PRUNE2: variants seen among roughly 807,000 people sequenced by gnomAD.
PRUNE2 encodes the protein prune homolog 2 with BCH domain, also known as protein prune homolog 2.
Under a neutral mutation model 252.0 loss-of-function variants are expected in PRUNE2, and 164 were observed. That is an observed-to-expected ratio of 0.65 (90% CI 0.57 to 0.74). PRUNE2 has a LOEUF of 0.74. Ranked by LOEUF, PRUNE2 falls within the 30% of genes least tolerant of loss-of-function variation. The pLI is 0.00. For synonymous variants in PRUNE2, 1,292 were observed against 1,350.2 expected (o/e 0.96, Z 0.94); for missense variants, 3,495 against 3,711.0 (o/e 0.94, Z 1.51).
chr9:76,867,122 G>A (rs186375568), intron 1 of PRUNE2, among the ~76,000 whole-genome samples: 9 of 152,278 alleles, frequency 5.9e-5, no homozygotes, highest in Non-Finnish European at 1.0e-4. Context: ...GCAAAAACAA[G>A]GGAATGGGTT....
At chr9:76,892,458 A>C (rs2062542941) in intron 1 of PRUNE2, among the ~76,000 whole-genome samples, 2 of 152,242 alleles carry the variant, frequency 1.3e-5, no homozygotes, top group Admixed American at 1.3e-4. Context: ...AATTCTAAAC[A>C]GGAGAAAATG....
intron 18 of PRUNE2, chr9:76,615,166 T>C (rs528116727): frequency 2.0e-6 from 2 of 985,460 alleles, no homozygotes; most frequent in African/African-American, 3.5e-5. Context: ...TTCCCAAGTA[T>C]CTGAGGAGTA....
chr9:76,754,494 CG>C, intron 6 of PRUNE2, among the ~76,000 whole-genome samples: 1 of 152,272 alleles, frequency 6.6e-6, no homozygotes, highest in Non-Finnish European at 1.5e-5. Context: ...GGAGTGCCTT[CG>C]GGTGGTTCTT....
At chr9:76,878,861 C>T (rs2078138079) in intron 1 of PRUNE2, among the ~76,000 whole-genome samples, 1 of 152,186 alleles carries the variant, frequency 6.6e-6, no homozygotes, top group South Asian at 2.1e-4. Flanking sequence ...CCTTCTAGTC[C>T]TTTCCATCAC....
At chr9:76,653,646 T>C (rs1848224992) in intron 10 of PRUNE2, among the ~76,000 whole-genome samples, 1 of 152,156 alleles carries the variant, frequency 6.6e-6, no homozygotes, top group African/African-American at 2.4e-5. Context: ...GTTAAGAACT[T>C]TGTCATGTTC....
intron 6 of PRUNE2, among the ~76,000 whole-genome samples, chr9:76,733,981 C>G (rs1390910589): frequency 2.0e-5 from 3 of 151,164 alleles, no homozygotes; most frequent in Non-Finnish European, 4.4e-5. Context: ...AATCCTGTAG[C>G]CAAAAACTAG....
chr9:76,667,390 A>G (rs1478008211), intron 9 of PRUNE2, among the ~76,000 whole-genome samples: 1 of 152,242 alleles, frequency 6.6e-6, no homozygotes, highest in African/African-American at 2.4e-5. Context: ...CCAAGTGAGC[A>G]GCAGAACTGG....
At chr9:76,715,143 C>T (rs2047036458) in intron 6 of PRUNE2, among the ~76,000 whole-genome samples, 1 of 152,202 alleles carries the variant, frequency 6.6e-6, no homozygotes, top group Non-Finnish European at 1.5e-5. Context: ...CCTAGGACAG[C>T]CACTGTGAAG....
rs199794957 is a variant in PRUNE2 at position 76,652,519 on chromosome 9, G to A, written c.8521C>T (p.Pro2841Ser). The change falls in exon 11 of 19, where the codon CCC (proline) becomes TCC (serine). Residue 2841 changes from proline (P) to serine (S), a missense_variant. Transcript: ENST00000376718. ...TACTCAAAAGAATCTGCTTCATCGG[G>A]GGTATCAAGTTCATCCACATTGATG... Reference protein sequence around the residue: ...IDINVDELDTPDEADSFEYTG... With the variant: ...IDINVDELDTSDEADSFEYTG... The A allele has an allele frequency of 4.3e-6, 7 of 1,613,256 alleles. No homozygotes were observed. In the Admixed American group the frequency reaches 1.0e-4, roughly 23 times the overall value.
chr9:76,799,741 G>A (rs1335370617), intron 6 of PRUNE2, among the ~76,000 whole-genome samples: 1 of 152,212 alleles, frequency 6.6e-6, no homozygotes, highest in Non-Finnish European at 1.5e-5. Flanking sequence ...TATCTTTATA[G>A]ATACCATAAA....
At chr9:76,773,739 C>T (rs375369250) in intron 6 of PRUNE2, among the ~76,000 whole-genome samples, 1 of 152,110 alleles carries the variant, frequency 6.6e-6, no homozygotes, top group Non-Finnish European at 1.5e-5. Context: ...CCACCGCACC[C>T]GGCCAAGTAC....
chr9:76,798,019 C>G (rs942786751), intron 6 of PRUNE2, among the ~76,000 whole-genome samples: 2 of 152,116 alleles, frequency 1.3e-5, no homozygotes, highest in African/African-American at 4.8e-5. Flanking sequence ...ATGAGAAGCA[C>G]CATCAGAAGG....
intron 2 of PRUNE2, among the ~76,000 whole-genome samples, chr9:76,852,660 C>G (rs978182870): frequency 6.6e-6 from 1 of 152,214 alleles, no homozygotes; most frequent in Non-Finnish European, 1.5e-5. Context: ...GCCCAGTAAA[C>G]TACGAGAAAG....
chr9:76,849,368 TCA>T (rs2059832920), intron 3 of PRUNE2, among the ~76,000 whole-genome samples: 1 of 152,230 alleles, frequency 6.6e-6, no homozygotes, highest in Admixed American at 6.5e-5. Flanking sequence ...CAAATGACCT[TCA>T]TAGCCCATCT....
chr9:76,877,911 C>A (rs549344714), intron 1 of PRUNE2, among the ~76,000 whole-genome samples: 7 of 152,322 alleles, frequency 4.6e-5, no homozygotes, highest in African/African-American at 1.7e-4. Context: ...GTAAGATACA[C>A]CATGACCCTA....
At chr9:76,859,985 G>A (rs986069385) in intron 1 of PRUNE2, among the ~76,000 whole-genome samples, 1 of 152,214 alleles carries the variant, frequency 6.6e-6, no homozygotes, top group Non-Finnish European at 1.5e-5. Context: ...ACAAGCATGA[G>A]CCACCACGCC....
In PRUNE2 at chr9:76,709,703, G is replaced by A. The variant is rs1296636755; in HGVS notation, c.2571C>T (p.Asn857=). Residue 857 remains asparagine (N), a synonymous_variant, in exon 8 of 19, where the codon AAC becomes AAT. Transcript: ENST00000376718. ...ELLDNSPSEI[N]NEAAPEIWGK... is the part of the protein sequence containing the mutation. The stretch of plus-strand genomic sequence containing the variant: ...CCCAGATTTCTGGAGCTGCTTCATT[G>A]TTTATCTCACTGGGTGAATTGTCCA... 1 of 1,613,836 alleles carries A rather than the reference G, an allele frequency of 6.2e-7. No individual in the cohort carries two copies. Among genetic ancestry groups the A allele is most frequent in the African/African-American group, 1.3e-5 (1 of 74,914 alleles).
At chr9:76,871,862 C>T (rs2061218843) in intron 1 of PRUNE2, among the ~76,000 whole-genome samples, 1 of 152,156 alleles carries the variant, frequency 6.6e-6, no homozygotes, top group South Asian at 2.1e-4. Flanking sequence ...CTCCTGGCCT[C>T]AAGCAATCTG....
intron 10 of PRUNE2, among the ~76,000 whole-genome samples, chr9:76,653,480 A>T (rs1848153793): frequency 6.6e-6 from 1 of 152,204 alleles, no homozygotes; most frequent in Non-Finnish European, 1.5e-5. Flanking sequence ...ATGACCAGGA[A>T]AAAAAGTTTG....
Sources: allele counts gnomAD v4.1 joint callset (sites outside exome capture counted in the v4.1 genomes callset), GRCh38; gene constraint gnomAD v4.1.1; transcripts MANE v1.5; gene names NCBI Gene and HGNC (gene_info 2026-07-23, HGNC 2026-07-21).